Variants in PTPRD observed in about 807,000 individuals in gnomAD.
PTPRD encodes protein tyrosine phosphatase receptor type D.
PTPRD carries 34 observed loss-of-function variants against 214.5 expected under a neutral mutation model. That is an observed-to-expected ratio of 0.16 (90% CI 0.12 to 0.21). PTPRD has a LOEUF of 0.21. Among genes scored for constraint, PTPRD ranks in the 10% least tolerant of loss-of-function variants. The pLI is 1.00. For missense variants in PTPRD, 2,545 were observed against 2,398.7 expected (o/e 1.06, Z -1.27); for synonymous variants, 1,128 against 845.7 (o/e 1.33, Z -5.79).
intron 10 of PTPRD, among the ~76,000 whole-genome samples, chr9:9,046,747 T>C (rs532292263): frequency 6.6e-6 from 1 of 152,164 alleles, no homozygotes; most frequent in Non-Finnish European, 1.5e-5. Context: ...CCATAGGCAA[T>C]ACATAAAGCA....
At chr9:9,938,156 A>T (rs1461833542) in intron 5 of PTPRD, among the ~76,000 whole-genome samples, 1 of 152,144 alleles carries the variant, frequency 6.6e-6, no homozygotes, top group South Asian at 2.1e-4. Context: ...ATGCTTAATG[A>T]TAACTCTGGT....
chr9:9,463,399 A>G (rs1278552869), intron 8 of PTPRD, among the ~76,000 whole-genome samples: 1 of 152,050 alleles, frequency 6.6e-6, no homozygotes, highest in African/African-American at 2.4e-5. Context: ...GGGCAGGAAG[A>G]GGGAGATTTG....
chr9:8,612,838 A>G (rs1299624325), intron 14 of PTPRD, among the ~76,000 whole-genome samples: 1 of 152,212 alleles, frequency 6.6e-6, no homozygotes, highest in African/African-American at 2.4e-5. Flanking sequence ...GACTATTAGC[A>G]TGTTTTAAAC....
intron 44 of PTPRD, among the ~76,000 whole-genome samples, chr9:8,322,877 C>A (rs910175039): frequency 6.6e-6 from 1 of 152,134 alleles, no homozygotes; most frequent in Non-Finnish European, 1.5e-5. Flanking sequence ...GGGGCTCATG[C>A]AGCTGGTGAC....
chr9:9,109,861 G>T (rs1439095063), intron 10 of PTPRD, among the ~76,000 whole-genome samples: 1 of 152,058 alleles, frequency 6.6e-6, no homozygotes, highest in Admixed American at 6.6e-5. Flanking sequence ...AGGAATACTG[G>T]GTCAATAGAA....
At chr9:10,582,799 A>G (rs911861614) in intron 2 of PTPRD, among the ~76,000 whole-genome samples, 8 of 152,198 alleles carry the variant, frequency 5.3e-5, no homozygotes, top group Non-Finnish European at 1.2e-4. Flanking sequence ...TACTGTGCAG[A>G]AGTAATTCAG....
At chr9:9,524,378 G>C (rs2073503193) in intron 8 of PTPRD, among the ~76,000 whole-genome samples, 1 of 152,014 alleles carries the variant, frequency 6.6e-6, no homozygotes, top group East Asian at 1.9e-4. Context: ...TCACCATTTA[G>C]TTCTCAAATT....
chr9:10,320,636 T>C (rs1250833797), intron 3 of PTPRD, among the ~76,000 whole-genome samples: 2 of 152,042 alleles, frequency 1.3e-5, no homozygotes, highest in Non-Finnish European at 2.9e-5. Flanking sequence ...ATCATTAAAA[T>C]TCAACTAATG....
intron 5 of PTPRD, among the ~76,000 whole-genome samples, chr9:9,905,844 A>G (rs1430580004): frequency 6.6e-6 from 1 of 152,046 alleles, no homozygotes; most frequent in Non-Finnish European, 1.5e-5. Flanking sequence ...AACAGAACAT[A>G]GGGGCCTAAG....
At chr9:10,534,127 T>C (rs987830357) in intron 2 of PTPRD, among the ~76,000 whole-genome samples, 3 of 151,922 alleles carry the variant, frequency 2.0e-5, no homozygotes, top group Admixed American at 1.3e-4. Context: ...CTTACTATCA[T>C]TGTCAGGTTG....
chr9:8,499,022 T>C (rs146960624), intron 25 of PTPRD, among the ~76,000 whole-genome samples: 6 of 151,268 alleles, frequency 4.0e-5, no homozygotes, highest in Non-Finnish European at 8.9e-5. Flanking sequence ...TACTCATTTT[T>C]AGTACCTTTT....
chr9:10,506,527 AC>A (rs1016473685), intron 2 of PTPRD, among the ~76,000 whole-genome samples: 44 of 152,198 alleles, frequency 2.9e-4, no homozygotes, highest in Middle Eastern at 3.4e-3. Context: ...GGTGATTGGT[AC>A]CCCACTTACC....
chr9:8,997,483 A>G (rs1018297691), intron 11 of PTPRD, among the ~76,000 whole-genome samples: 7 of 152,074 alleles, frequency 4.6e-5, no homozygotes, highest in African/African-American at 1.7e-4. Flanking sequence ...GGCACCACAA[A>G]CCAAGTTCAT....
intron 9 of PTPRD, among the ~76,000 whole-genome samples, chr9:9,243,191 C>G (rs1308129141): frequency 1.3e-5 from 2 of 152,090 alleles, no homozygotes; most frequent in Non-Finnish European, 2.9e-5. Context: ...GATGGATTCA[C>G]AGCTGAATTC....
chr9:10,326,987 T>C (rs1490122105), intron 3 of PTPRD, among the ~76,000 whole-genome samples: 1 of 151,438 alleles, frequency 6.6e-6, no homozygotes, highest in Admixed American at 6.6e-5. Context: ...CATCTGACAA[T>C]CTATGTTCAA....
intron 11 of PTPRD, among the ~76,000 whole-genome samples, chr9:8,880,978 GCTGGTGTCGAA>G (rs1307208836): frequency 6.6e-6 from 1 of 152,070 alleles, no homozygotes. Context: ...TGTTCCTCAA[GCTGGTGTCGAA>G]CTCCTGAGGT....
intron 11 of PTPRD, among the ~76,000 whole-genome samples, chr9:8,776,908 T>TTATATA (rs35728963): frequency 9.7e-5 from 2 of 20,696 alleles, no homozygotes; most frequent in African/African-American, 6.3e-4. Context: ...TACATATGTA[T>TTATATA]AATATATGTA....
intron 3 of PTPRD, among the ~76,000 whole-genome samples, chr9:10,112,837 G>A (rs556088326): frequency 3.9e-5 from 6 of 152,276 alleles, no homozygotes; most frequent in South Asian, 2.1e-4. Flanking sequence ...CAATGTTCAC[G>A]TCTTGTCTTA....
intron 5 of PTPRD, among the ~76,000 whole-genome samples, chr9:9,880,055 T>A (rs2068159135): frequency 6.6e-6 from 1 of 152,152 alleles, no homozygotes; most frequent in South Asian, 2.1e-4. Flanking sequence ...GGGGGGGACC[T>A]ATATCCCCAA....
Sources: allele counts gnomAD v4.1 joint callset (sites outside exome capture counted in the v4.1 genomes callset), GRCh38; gene constraint gnomAD v4.1.1; transcripts MANE v1.5; gene names NCBI Gene and HGNC (gene_info 2026-07-23, HGNC 2026-07-21).